The following ARHGAP10 variants were observed in gnomAD, a reference collection of about 807,000 sequenced individuals.
The protein encoded by ARHGAP10 is Rho GTPase activating protein 10, also known as rho GTPase-activating protein 10.
ARHGAP10 carries 87 observed loss-of-function variants against 108.6 expected under a neutral mutation model. That is an observed-to-expected ratio of 0.80 (90% CI 0.67 to 0.96). The LOEUF (loss-of-function observed/expected upper bound fraction) is 0.96. Ranked by LOEUF, ARHGAP10 falls within the 40% of genes least tolerant of loss-of-function variation. The pLI is 0.00. For missense variants in ARHGAP10, 939 were observed against 954.5 expected, an observed-to-expected ratio of 0.98 and a Z score of 0.21; for synonymous variants, 347 against 341.1, an observed-to-expected ratio of 1.02 and a Z score of -0.19.
At chr4:147,919,952 T>C (rs1737167837) in intron 13 of ARHGAP10, among the ~76,000 whole-genome samples, 1 of 152,044 alleles carries the variant, frequency 6.6e-6, no homozygotes, top group African/African-American at 2.4e-5. Context: ...GACTGGGAAG[T>C]AGGATTCTTT....
At chr4:148,052,907 G>T (rs905151098) in intron 20 of ARHGAP10, among the ~76,000 whole-genome samples, 1 of 152,144 alleles carries the variant, frequency 6.6e-6, no homozygotes, top group Non-Finnish European at 1.5e-5. Context: ...CCTCTTGGGG[G>T]TCTGGGGATT....
intron 19 of ARHGAP10, among the ~76,000 whole-genome samples, chr4:148,045,982 T>C (rs1050837576): frequency 6.6e-6 from 1 of 152,202 alleles, no homozygotes; most frequent in African/African-American, 2.4e-5. Flanking sequence ...AGTGCCATCT[T>C]TGTAGAACAT....
chr4:147,958,686 G>A (rs1276316508), intron 16 of ARHGAP10, among the ~76,000 whole-genome samples: 1 of 152,216 alleles, frequency 6.6e-6, no homozygotes, highest in African/African-American at 2.4e-5. Flanking sequence ...CTTGATGTCT[G>A]TTGACTGAAG....
chr4:147,953,509 A>G (rs1350199731), intron 15 of ARHGAP10, among the ~76,000 whole-genome samples: 1 of 151,976 alleles, frequency 6.6e-6, no homozygotes, highest in Non-Finnish European at 1.5e-5. Context: ...ACATTTGTCC[A>G]TTTCATCTGA....
intron 19 of ARHGAP10, among the ~76,000 whole-genome samples, chr4:148,032,841 A>C (rs1728214143): frequency 6.6e-6 from 1 of 152,162 alleles, no homozygotes; most frequent in Admixed American, 6.5e-5. Context: ...TTGGACTCTC[A>C]TGTTCGAGGG....
chr4:147,746,178 A>G (rs930826257), intron 1 of ARHGAP10, among the ~76,000 whole-genome samples: 6 of 151,718 alleles, frequency 4.0e-5, no homozygotes. Flanking sequence ...ATCTTGGCTC[A>G]CTGCATCCTC....
chr4:147,934,213 A>G (rs1737833270), intron 13 of ARHGAP10, among the ~76,000 whole-genome samples: 1 of 152,190 alleles, frequency 6.6e-6, no homozygotes, highest in Non-Finnish European at 1.5e-5. Flanking sequence ...CTCAAGGCCA[A>G]AGAGGGCTGT....
chr4:147,855,900 T>A (rs749098549), intron 4 of ARHGAP10, among the ~76,000 whole-genome samples: 2 of 152,158 alleles, frequency 1.3e-5, no homozygotes, highest in Non-Finnish European at 2.9e-5. Flanking sequence ...ATAAAAGAAG[T>A]AGAGAATTAA....
At chr4:147,798,781 C>A (rs12499404) in intron 1 of ARHGAP10, among the ~76,000 whole-genome samples, 252 of 6,414 alleles carry the variant, frequency 0.039, 9 homozygotes, top group Admixed American at 0.066. Flanking sequence ...CTCTCTCTCT[C>A]TATATATATA....
intron 13 of ARHGAP10, among the ~76,000 whole-genome samples, chr4:147,936,924 G>A (rs535307886): frequency 5.3e-5 from 8 of 152,170 alleles, no homozygotes; most frequent in African/African-American, 7.2e-5. Context: ...CCTCAGCTCC[G>A]CCTCCTGTCA....
chr4:147,829,344 C>T (rs950408011), intron 3 of ARHGAP10, among the ~76,000 whole-genome samples: 4 of 152,058 alleles, frequency 2.6e-5, no homozygotes, highest in East Asian at 1.9e-4. Flanking sequence ...TGAGCCACCG[C>T]GCCCAGCCAA....
intron 13 of ARHGAP10, among the ~76,000 whole-genome samples, chr4:147,923,174 A>G (rs1270670672): frequency 6.6e-6 from 1 of 152,210 alleles, no homozygotes; most frequent in Admixed American, 6.5e-5. Flanking sequence ...TCCTTTATGA[A>G]TTTATGTCAG....
At chr4:147,954,666 C>T (rs903967257) in intron 15 of ARHGAP10, among the ~76,000 whole-genome samples, 12 of 151,896 alleles carry the variant, frequency 7.9e-5, no homozygotes, top group African/African-American at 2.4e-4. Context: ...GCTAGTTGCT[C>T]TGATCTTTTA....
At chr4:148,048,840 G>T (rs996154833) in intron 20 of ARHGAP10, among the ~76,000 whole-genome samples, 2 of 152,070 alleles carry the variant, frequency 1.3e-5, no homozygotes, top group African/African-American at 4.8e-5. Context: ...AATCAAATGA[G>T]GAGTGAATTC....
At chr4:147,764,497 A>AC (rs1169758086) in intron 1 of ARHGAP10, among the ~76,000 whole-genome samples, 3 of 151,438 alleles carry the variant, frequency 2.0e-5, no homozygotes, top group Non-Finnish European at 4.4e-5. Context: ...AAAAAAAAAA[A>AC]CCTCCAAATC....
chr4:147,955,196 T>C, intron 15 of ARHGAP10, 120 bp from the exon 16 acceptor site: 1 of 887,484 alleles, frequency 1.1e-6, no homozygotes, highest in South Asian at 1.6e-5. Context: ...AGGTATTCCC[T>C]AGGGAAGTTT....
At chr4:147,881,574 G>C (rs1018567605) in intron 9 of ARHGAP10, among the ~76,000 whole-genome samples, 2 of 151,222 alleles carry the variant, frequency 1.3e-5, no homozygotes, top group African/African-American at 4.9e-5. Flanking sequence ...GGAGATGGAG[G>C]TTGCAGTGAG....
chr4:147,761,209 G>A (rs567460633), intron 1 of ARHGAP10, among the ~76,000 whole-genome samples: 1 of 151,826 alleles, frequency 6.6e-6, no homozygotes, highest in Non-Finnish European at 1.5e-5. Flanking sequence ...TAGAGACAGG[G>A]TCTTGCTATG....
chr4:147,902,798 C>T (rs1028529869), intron 10 of ARHGAP10, among the ~76,000 whole-genome samples: 1 of 150,820 alleles, frequency 6.6e-6, no homozygotes, highest in Non-Finnish European at 1.5e-5. Context: ...GTAGGCTGTA[C>T]AGGAACAGGA....
Sources: allele counts gnomAD v4.1 joint callset (sites outside exome capture counted in the v4.1 genomes callset), GRCh38; gene constraint gnomAD v4.1.1; transcripts MANE v1.5; gene names NCBI Gene and HGNC (gene_info 2026-07-23, HGNC 2026-07-21).